The following CALN1 variants were observed in gnomAD, a reference collection of about 807,000 sequenced individuals.
The protein encoded by CALN1 is calcium-binding protein 8.
In CALN1, 17 loss-of-function variants were observed where a neutral mutation model predicts 30.6. The ratio of observed to expected loss-of-function variants is 0.56; its 90% CI spans 0.38 to 0.83. The LOEUF (loss-of-function observed/expected upper bound fraction) is 0.83, where lower values mean the gene tolerates loss of function less well. Ranked by LOEUF, CALN1 falls within the 40% of genes least tolerant of loss-of-function variation. CALN1 has a pLI of 0.00. For missense variants in CALN1, 291 were observed against 354.9 expected, an observed-to-expected ratio of 0.82 and a Z score of 1.45; for synonymous variants, 156 against 131.4, an observed-to-expected ratio of 1.19 and a Z score of -1.28.
intron 4 of CALN1, among the ~76,000 whole-genome samples, chr7:72,042,663 CA>C: frequency 6.6e-6 from 1 of 152,056 alleles, no homozygotes; most frequent in Admixed American, 6.6e-5. Flanking sequence ...TTGAGGCCAA[CA>C]GATTGAGGCT....
intron 4 of CALN1, among the ~76,000 whole-genome samples, chr7:72,105,801 GGGAGGA>G (rs1417237322): frequency 8.9e-6 from 1 of 112,702 alleles, no homozygotes; most frequent in Non-Finnish European, 1.9e-5. Flanking sequence ...GAGGGAGGGA[GGGAGGA>G]GGAGGAGGGG....
chr7:71,854,836 T>G (rs574225536), intron 5 of CALN1, among the ~76,000 whole-genome samples: 1 of 152,346 alleles, frequency 6.6e-6, no homozygotes, highest in South Asian at 2.1e-4. Flanking sequence ...CTATATAATG[T>G]GAAGCCAAGC....
chr7:71,813,892 C>G (rs1452119796), intron 5 of CALN1, among the ~76,000 whole-genome samples: 1 of 146,528 alleles, frequency 6.8e-6, no homozygotes, highest in Non-Finnish European at 1.5e-5. Context: ...CATTGTGTCA[C>G]TGCACTCCAG....
chr7:72,023,276 C>T (rs919000919), intron 5 of CALN1, among the ~76,000 whole-genome samples: 4 of 152,122 alleles, frequency 2.6e-5, no homozygotes, highest in Admixed American at 1.3e-4. Flanking sequence ...AGGATATTGA[C>T]GGGATCCAAA....
chr7:71,817,876 CT>C (rs879296240), intron 5 of CALN1, among the ~76,000 whole-genome samples: 6,227 of 145,796 alleles, frequency 0.043, 376 homozygotes, highest in African/African-American at 0.14. Flanking sequence ...TATAAACTTA[CT>C]TTTTTTTTTT....
chr7:72,409,036 C>T (rs1806912047), intron 1 of CALN1, among the ~76,000 whole-genome samples: 1 of 151,734 alleles, frequency 6.6e-6, no homozygotes, highest in Non-Finnish European at 1.5e-5. Context: ...TGCTCTGTGG[C>T]CCACACTAGA....
chr7:72,190,605 C>G (rs985308788), intron 3 of CALN1, among the ~76,000 whole-genome samples: 6 of 152,116 alleles, frequency 3.9e-5, no homozygotes, highest in African/African-American at 1.4e-4. Flanking sequence ...GGTTTGAGTT[C>G]AAGATCATGA....
At chr7:72,415,911 C>T (rs1203672843), upstream of CALN1, among the ~76,000 whole-genome samples, 2 of 152,166 alleles carry the variant, frequency 1.3e-5, no homozygotes, top group African/African-American at 4.8e-5. Context: ...TGATCTGTTC[C>T]CAGGGACCAG....
Position 71,952,085 on chromosome 7 carries a change from G to GA in CALN1, c.501+71571dup, listed in dbSNP as rs560920731. ...TCTGCTTTCTGGGACATCTTCAAGA[G>GA]AAACAGTTGCTAGCTGAAGTATGAA... On this transcript the variant is annotated intron_variant, in intron 5 of 6. Transcript: ENST00000395275. Among the ~76,000 whole-genome samples, 18 of 152,314 alleles carry GA rather than the reference G, an allele frequency of 1.2e-4. No individual in the cohort carries two copies. In the East Asian group the frequency reaches 2.5e-3, roughly 21 times the overall value.
chr7:72,193,202 GAGA>G (rs1240717178), intron 3 of CALN1, among the ~76,000 whole-genome samples: 85 of 133,286 alleles, frequency 6.4e-4, no homozygotes, highest in Admixed American at 2.1e-3. Context: ...AAAAAGAAAA[GAGA>G]AAAAAAAAAA....
chr7:71,819,537 A>G (rs1056891300), intron 5 of CALN1, among the ~76,000 whole-genome samples: 1 of 152,192 alleles, frequency 6.6e-6, no homozygotes, highest in South Asian at 2.1e-4. Flanking sequence ...TGTGGCATTA[A>G]GTACTTTCAC....
intron 2 of CALN1, among the ~76,000 whole-genome samples, chr7:72,385,851 T>C (rs1195618705): frequency 6.6e-6 from 1 of 152,208 alleles, no homozygotes; most frequent in African/African-American, 2.4e-5. Flanking sequence ...GTAACTTTCC[T>C]GAGGCCTCCC....
chr7:72,317,092 G>GAAAGAA (rs1562878871), intron 2 of CALN1, among the ~76,000 whole-genome samples: 1 of 124,626 alleles, frequency 8.0e-6, no homozygotes, highest in Non-Finnish European at 1.8e-5. Flanking sequence ...GAGAGAGAGA[G>GAAAGAA]AGGGAGGGAG....
intron 2 of CALN1, among the ~76,000 whole-genome samples, chr7:72,285,388 C>T (rs1798019083): frequency 6.6e-6 from 1 of 152,058 alleles, no homozygotes; most frequent in African/African-American, 2.4e-5. Flanking sequence ...GGATTACAGG[C>T]GCCTGCCACC....
At chr7:71,968,380 C>CT (rs1437647678) in intron 5 of CALN1, among the ~76,000 whole-genome samples, 2 of 152,148 alleles carry the variant, frequency 1.3e-5, no homozygotes, top group African/African-American at 4.8e-5. Flanking sequence ...GGGGCTGGGA[C>CT]TAGGGCTACT....
chr7:71,896,693 T>C (rs1287489404), intron 5 of CALN1, among the ~76,000 whole-genome samples: 1 of 152,136 alleles, frequency 6.6e-6, no homozygotes. Flanking sequence ...CCATCTCACA[T>C]AGGCCCTGAG....
At chr7:72,468,430 C>T in the CALN1 span, among the ~76,000 whole-genome samples, 1 of 152,232 alleles carries the variant, frequency 6.6e-6, no homozygotes, top group Non-Finnish European at 1.5e-5. Flanking sequence ...CCTCTCACAT[C>T]AGCCTACTGA....
At chr7:71,903,046 T>G (rs989299488) in intron 5 of CALN1, among the ~76,000 whole-genome samples, 7 of 151,726 alleles carry the variant, frequency 4.6e-5, no homozygotes, top group African/African-American at 1.5e-4. Context: ...TTAAAAAAAA[T>G]TTTTACTTTT....
At chr7:71,796,011 G>A (rs891891826) in intron 6 of CALN1, among the ~76,000 whole-genome samples, 31 of 150,656 alleles carry the variant, frequency 2.1e-4, no homozygotes, top group African/African-American at 7.1e-4. Context: ...TTTTTTAGCA[G>A]AGATGAGATT....
Sources: allele counts gnomAD v4.1 joint callset (sites outside exome capture counted in the v4.1 genomes callset), GRCh38; gene constraint gnomAD v4.1.1; transcripts MANE v1.5; gene names NCBI Gene and HGNC (gene_info 2026-07-23, HGNC 2026-07-21).